Variants in RAI14 observed in about 807,000 individuals in gnomAD.
RAI14 encodes retinoic acid induced 14.
Under a neutral mutation model 115.4 loss-of-function variants are expected in RAI14, and 45 were observed. The ratio of observed to expected loss-of-function variants is 0.39; its 90% CI spans 0.31 to 0.50. RAI14 has a LOEUF of 0.50. Among genes scored for constraint, RAI14 ranks in the 20% least tolerant of loss-of-function variants. RAI14 has a pLI of 0.85. For synonymous variants in RAI14, 371 were observed against 415.4 expected (o/e 0.89, Z 1.30); for missense variants, 939 against 1,131.2 (o/e 0.83, Z 2.44).
Position 34,823,684 on chromosome 5 carries a change from A to G in RAI14, c.1842A>G (p.Thr614=). 2 of 1,614,054 alleles carry G rather than the reference A, an allele frequency of 1.2e-6. No homozygotes were observed. Among genetic ancestry groups the G allele is most frequent in the South Asian group, 1.1e-5 (1 of 91,050 alleles). Residue 614 remains threonine (T), a synonymous_variant, in exon 15 of 18, where the codon ACA becomes ACG. Coordinates refer to ENST00000265109, the MANE Select transcript of RAI14 (RefSeq NM_015577.3). This position sits in a 1 kb window ranked among gnomAD's most constrained non-coding sequence, Gnocchi z 4.5. ...AAGAAATCATGAAATTAAAAGACACACTAAAAAGTCAGATGACACAGGAAG... is the reference window on the plus strand; with the variant it reads ...AAGAAATCATGAAATTAAAAGACACGCTAAAAAGTCAGATGACACAGGAAG... ...AQEEIMKLKD[T]LKSQMTQEAS...
chr5:34,808,230 G>A (rs111234262), intron 6 of RAI14, among the ~76,000 whole-genome samples: 13,856 of 152,222 alleles, frequency 0.091, 920 homozygotes, highest in South Asian at 0.13. Flanking sequence ...ATTTTGTTTA[G>A]TATGATTACA....
intron 3 of RAI14, among the ~76,000 whole-genome samples, chr5:34,775,854 GT>G (rs1393904189): frequency 6.6e-6 from 1 of 152,268 alleles, no homozygotes; most frequent in Admixed American, 6.5e-5. Flanking sequence ...ATGGAGAACG[GT>G]TTGGAGGTTC....
intron 2 of RAI14, among the ~76,000 whole-genome samples, chr5:34,689,410 A>C (rs1005818018): frequency 6.6e-6 from 1 of 151,962 alleles, no homozygotes; most frequent in Admixed American, 6.6e-5. Flanking sequence ...GTCTCAAAAA[A>C]CAAAAACAAA....
chr5:34,748,217 A>G (rs1746539234), intron 2 of RAI14, among the ~76,000 whole-genome samples: 2 of 152,262 alleles, frequency 1.3e-5, no homozygotes, highest in South Asian at 4.1e-4. Context: ...TTTCGGGGTG[A>G]ATAGCAGGGA....
At chr5:34,752,152 A>AT (rs1419930367) in intron 2 of RAI14, among the ~76,000 whole-genome samples, 1 of 152,190 alleles carries the variant, frequency 6.6e-6, no homozygotes, top group Non-Finnish European at 1.5e-5. Context: ...TGAAGAAAGT[A>AT]TTTGCATGAT....
intron 2 of RAI14, among the ~76,000 whole-genome samples, chr5:34,705,604 C>T (rs924889788): frequency 2.0e-5 from 3 of 152,074 alleles, no homozygotes; most frequent in Non-Finnish European, 4.4e-5. Flanking sequence ...CACCAGCCCC[C>T]CTGCATTTGC....
rs532506275 is a variant in RAI14, at chr5:34,770,782, T to C, written c.167+13184T>C. Among the ~76,000 whole-genome samples, 3 of 152,290 alleles carry C rather than the reference T, an allele frequency of 2.0e-5. No individual in the cohort carries two copies. In the East Asian group the frequency reaches 5.8e-4, roughly 29 times the overall value. On this transcript the variant is annotated intron_variant, in intron 3 of 17. Coordinates refer to ENST00000265109, the MANE Select transcript of RAI14 (RefSeq NM_015577.3). Reference sequence around the variant, plus strand: ...AGGACACTGCGTGTAGAGCCTTGTATGCTACAGGAAGGAATTTACCTAATT... The same window carrying C: ...AGGACACTGCGTGTAGAGCCTTGTACGCTACAGGAAGGAATTTACCTAATT...
chr5:34,742,817 C>G (rs1353840873), intron 2 of RAI14, among the ~76,000 whole-genome samples: 1 of 152,134 alleles, frequency 6.6e-6, no homozygotes, highest in East Asian at 1.9e-4. Flanking sequence ...GCGCCTGCCA[C>G]CACACCTGGC....
intron 3 of RAI14, among the ~76,000 whole-genome samples, chr5:34,760,715 C>G (rs1748530875): frequency 6.6e-6 from 1 of 152,192 alleles, no homozygotes; most frequent in Middle Eastern, 3.2e-3. Context: ...TACATGTGTT[C>G]TCTTTATTTA....
Position 34,823,318 on chromosome 5 carries a change from C to T in RAI14, c.1476C>T (p.Tyr492=), listed in dbSNP as rs777616139. The T allele has an allele frequency of 2.4e-5, 39 of 1,613,792 alleles. No individual in the cohort carries two copies. The East Asian group carries it at 7.6e-4, about 31-fold the overall frequency. The change falls in exon 15 of 18, where the codon TAC becomes TAT. Residue 492 remains tyrosine, a synonymous_variant. Coordinates refer to ENST00000265109, the MANE Select transcript of RAI14 (RefSeq NM_015577.3). This position sits in a 1 kb window ranked among gnomAD's most constrained non-coding sequence, Gnocchi z 4.5. ...SQKLKETQSK[Y]EEAMKEVLSV... ...AACTTAAAGAAACTCAGAGCAAATA[C>T]GAGGAGGCTATGAAAGAAGTCCTTA... is the stretch of plus-strand genomic sequence containing the variant.
chr5:34,796,136 T>C, intron 4 of RAI14, 109 bp downstream of exon 4: 1 of 846,296 alleles, frequency 1.2e-6, no homozygotes, highest in Non-Finnish European at 2.0e-6. Flanking sequence ...TAACTCATCC[T>C]GTAATTACAG....
At chr5:34,692,272 A>T (rs1946266) in intron 2 of RAI14, among the ~76,000 whole-genome samples, 4,487 of 151,802 alleles carry the variant, frequency 0.03, 227 homozygotes, top group African/African-American at 0.1. Context: ...GTTAAAAAAA[A>T]AATAATAATA....
chr5:34,757,292 C>A (rs750082199), intron 2 of RAI14, 176 bp from the exon 3 acceptor site: 8 of 709,236 alleles, frequency 1.1e-5, no homozygotes, highest in South Asian at 1.0e-4. Context: ...TTTGGGAAAG[C>A]GGCCTTCTTG....
At chr5:34,787,634 G>A (rs950933918) in intron 3 of RAI14, among the ~76,000 whole-genome samples, 1 of 152,116 alleles carries the variant, frequency 6.6e-6, no homozygotes, top group African/African-American at 2.4e-5. Context: ...GGATTTTTTT[G>A]AGGAGGAGGT....
rs767498149 is a variant in RAI14, at chr5:34,716,014, A to G, written c.36+29059A>G. The G allele has an allele frequency of 5.7e-4, 242 of 427,472 alleles. 1 individual carries two copies. Among genetic ancestry groups the G allele is most frequent in the Non-Finnish European group, 8.6e-4 (188 of 218,296 alleles). 26.5% of individuals were successfully genotyped at this position (427,472 alleles called of 1,614,324 possible). A position where few individuals can be genotyped will look rare whatever the true frequency, so the allele number is the denominator to read the frequency against. The stretch of plus-strand genomic sequence containing the variant: ...TTGTATGCAATATGTGGGTAGTTAC[A>G]GTACAGTGCAAGAAAAACAACCATA... On this transcript the variant is annotated intron_variant, in intron 2 of 17. Coordinates refer to ENST00000265109, the MANE Select transcript of RAI14 (RefSeq NM_015577.3).
intron 2 of RAI14, among the ~76,000 whole-genome samples, chr5:34,745,628 A>G (rs1447866336): frequency 2.0e-5 from 3 of 152,146 alleles, no homozygotes; most frequent in Non-Finnish European, 4.4e-5. Flanking sequence ...TCAGTCTCCC[A>G]TGATAGATCA....
intron 1 of RAI14, among the ~76,000 whole-genome samples, chr5:34,664,691 G>C (rs1174455896): frequency 6.6e-6 from 1 of 151,708 alleles, no homozygotes; most frequent in Admixed American, 6.6e-5. Context: ...GTTCTTTAGT[G>C]GTGATTTGTG....
chr5:34,788,823 G>T (rs1195488535), intron 3 of RAI14, among the ~76,000 whole-genome samples: 1 of 152,050 alleles, frequency 6.6e-6, no homozygotes, highest in Non-Finnish European at 1.5e-5. Flanking sequence ...ACAAAAATTA[G>T]CCAGGCATGG....
At chr5:34,746,124 G>A (rs1291815457) in intron 2 of RAI14, among the ~76,000 whole-genome samples, 2 of 24,272 alleles carry the variant, frequency 8.2e-5, no homozygotes, top group Admixed American at 1.2e-3. Context: ...TTGTTTTTTT[G>A]AGATGGAATC....
Sources: allele counts gnomAD v4.1 joint callset (sites outside exome capture counted in the v4.1 genomes callset), GRCh38; gene constraint gnomAD v4.1.1; non-coding constraint Gnocchi (gnomAD v3.1); transcripts MANE v1.5; gene names NCBI Gene and HGNC (gene_info 2026-07-23, HGNC 2026-07-21).